The following CCDC148 variants were observed in gnomAD, a reference collection of about 807,000 sequenced individuals.
CCDC148 encodes the protein coiled-coil domain containing 148.
Under a neutral mutation model 85.7 loss-of-function variants are expected in CCDC148, and 89 were observed. The ratio of observed to expected loss-of-function variants is 1.04; its 90% CI spans 0.87 to 1.24. The LOEUF is 1.24. Ranked by LOEUF, CCDC148 falls within the 50% of genes most tolerant of loss-of-function variation. The probability of loss-of-function intolerance (pLI) is 0.00; values close to 1 mark genes in which losing one functional copy is unlikely to be tolerated. For synonymous variants in CCDC148, 230 were observed against 213.9 expected (o/e 1.08, Z -0.66); for missense variants, 692 against 671.7 (o/e 1.03, Z -0.33).
intron 10 of CCDC148, among the ~76,000 whole-genome samples, chr2:158,243,072 C>T (rs894954156): frequency 7.2e-5 from 11 of 152,108 alleles, no homozygotes; most frequent in African/African-American, 1.7e-4. Flanking sequence ...TGTCTTCAGG[C>T]GGCACTTTCC....
chr2:158,352,179 C>T (rs1683345078), intron 2 of CCDC148, among the ~76,000 whole-genome samples: 1 of 150,350 alleles, frequency 6.7e-6, no homozygotes, highest in Non-Finnish European at 1.5e-5. Context: ...CTCTCCTCCT[C>T]CAAAGGAACG....
chr2:158,183,945 A>G (rs1685030903), intron 11 of CCDC148, among the ~76,000 whole-genome samples: 1 of 152,166 alleles, frequency 6.6e-6, no homozygotes, highest in Non-Finnish European at 1.5e-5. Flanking sequence ...CCAACAGGGA[A>G]GAATGTGCAG....
intron 1 of CCDC148, among the ~76,000 whole-genome samples, chr2:158,441,014 C>T (rs1229575931): frequency 1.3e-5 from 2 of 152,062 alleles, no homozygotes; most frequent in Non-Finnish European, 2.9e-5. Context: ...TGTAAATAGC[C>T]ACTGCACTCC....
intron 10 of CCDC148, among the ~76,000 whole-genome samples, chr2:158,248,174 A>G (rs1364689581): frequency 6.6e-6 from 1 of 152,156 alleles, no homozygotes; most frequent in East Asian, 1.9e-4. Context: ...ATGTCAAAAT[A>G]TCTTAAAATC....
At chr2:158,274,543 C>T (rs1436953079) in intron 9 of CCDC148, among the ~76,000 whole-genome samples, 1 of 152,106 alleles carries the variant, frequency 6.6e-6, no homozygotes, top group Non-Finnish European at 1.5e-5. Context: ...ATTTTTATTT[C>T]TCTTTTACAT....
intron 1 of CCDC148, among the ~76,000 whole-genome samples, chr2:158,369,786 A>G (rs1479173297): frequency 6.6e-6 from 1 of 152,152 alleles, no homozygotes; most frequent in Non-Finnish European, 1.5e-5. Flanking sequence ...TTGCCCATTC[A>G]GTATGATATT....
At chr2:158,340,826 C>T (rs1220055813) in intron 3 of CCDC148, 146 bp from the exon 4 acceptor site, 1 of 600,736 alleles carries the variant, frequency 1.7e-6, no homozygotes, top group African/African-American at 1.9e-5. Context: ...TGGCTTGAGT[C>T]TTTACTAGAC....
rs148646554 is a variant in CCDC148, at chr2:158,326,009, G to A, written c.765-12115C>T. Among the ~76,000 whole-genome samples the A allele has an allele frequency of 5.1e-3, 780 of 152,160 alleles. 2 individuals are homozygous for A. Among genetic ancestry groups the A allele is most frequent in the Middle Eastern group, 0.027 (8 of 294 alleles). ...AACATAAGTCTGATTTTGTCACTCT[G>A]CTCACTTCTGCTCAACACCTTCCAA... On this transcript the variant is annotated intron_variant, in intron 7 of 13. Transcript: ENST00000283233.
intron 9 of CCDC148, among the ~76,000 whole-genome samples, chr2:158,274,374 TGA>T (rs3080008): frequency 0.41 from 61,746 of 151,840 alleles, 13,164 homozygotes; most frequent in South Asian, 0.61. Context: ...TTCATGGGTT[TGA>T]GTCATGAATA....
intron 11 of CCDC148, among the ~76,000 whole-genome samples, chr2:158,212,953 C>G (rs1251168360): frequency 6.6e-6 from 1 of 152,176 alleles, no homozygotes; most frequent in African/African-American, 2.4e-5. Flanking sequence ...TGGGCCCATA[C>G]TTGAGAAAGT....
chr2:158,421,817 A>T (rs926832624), intron 1 of CCDC148, among the ~76,000 whole-genome samples: 10 of 152,200 alleles, frequency 6.6e-5, no homozygotes, highest in Non-Finnish European at 1.2e-4. Flanking sequence ...TGTTGAAAAG[A>T]TCAACAAAAT....
At chr2:158,296,745 TTAAAAAC>T (rs1422378128) in intron 9 of CCDC148, among the ~76,000 whole-genome samples, 1 of 152,192 alleles carries the variant, frequency 6.6e-6, no homozygotes, top group Non-Finnish European at 1.5e-5. Context: ...CAGATACACT[TTAAAAAC>T]TAAGACATTT....
At chr2:158,383,766 T>C (rs570505145) in intron 1 of CCDC148, among the ~76,000 whole-genome samples, 8 of 152,244 alleles carry the variant, frequency 5.3e-5, no homozygotes, top group South Asian at 2.1e-4. Flanking sequence ...TTCTACTACA[T>C]AACCACAAGA....
At chr2:158,397,205 G>C (rs1383976036) in intron 1 of CCDC148, among the ~76,000 whole-genome samples, 5 of 151,934 alleles carry the variant, frequency 3.3e-5, no homozygotes, top group African/African-American at 1.2e-4. Flanking sequence ...CTATGGCATG[G>C]GGAGGATAAG....
chr2:158,247,101 C>T (rs1688598910), intron 10 of CCDC148, among the ~76,000 whole-genome samples: 1 of 152,122 alleles, frequency 6.6e-6, no homozygotes, highest in African/African-American at 2.4e-5. Context: ...GGTGAAAATA[C>T]ATGCAACCCA....
At position 158,178,986 on chromosome 2, in the gene CCDC148, T is replaced by A. The variant is rs1321061203; in HGVS notation, c.1381A>T (p.Arg461Ter). The change falls in exon 12 of 14, where the codon AGA (arginine) becomes TGA (stop). Residue 461 changes from arginine to a stop codon, truncating the protein, a stop_gained. Coordinates refer to ENST00000283233, the MANE Select transcript of CCDC148 (RefSeq NM_138803.4). LOFTEE classifies it high-confidence loss of function. The part of the protein sequence containing the change: ...SLKDRERVKY[R>*]QELLERRLME... ...AAACGCCTTTCCAATAATTCTTGTC[T>A]ATATTTAACCCTTTAAAAATAACAC... 1 of 1,610,782 alleles carries A rather than the reference T, an allele frequency of 6.2e-7. No homozygotes were observed. The highest frequency in any genetic ancestry group is 8.5e-7 in the Non-Finnish European group (1 of 1,177,676).
At chr2:158,301,555 G>C (rs1386525602) in intron 9 of CCDC148, among the ~76,000 whole-genome samples, 3 of 152,200 alleles carry the variant, frequency 2.0e-5, no homozygotes, top group Non-Finnish European at 4.4e-5. Flanking sequence ...GGAATCACGA[G>C]GAGGCTTAGT....
chr2:158,384,506 G>A lies in CCDC148; in HGVS notation c.26-25936C>T, dbSNP rs985818607. ...GTTTAAAACTGTGTAGCACCTCCCC[G>A]TTCATTCTTTCTTCCTCCTTCTCCA... On this transcript the variant is annotated intron_variant, in intron 1 of 13. Coordinates refer to ENST00000283233, the MANE Select transcript of CCDC148 (RefSeq NM_138803.4). Among the ~76,000 whole-genome samples the A allele has an allele frequency of 6.6e-5, 10 of 152,148 alleles. 1 individual carries two copies. The highest frequency in any genetic ancestry group is 2.0e-4 in the Admixed American group (3 of 15,264).
intron 1 of CCDC148, among the ~76,000 whole-genome samples, chr2:158,388,287 A>G (rs991481676): frequency 6.6e-6 from 1 of 152,258 alleles, no homozygotes; most frequent in South Asian, 2.1e-4. Flanking sequence ...TAATGAAATC[A>G]GTTACTTTTT....
Sources: gnomAD v4.1 joint callset for allele counts (sites outside exome capture counted in the v4.1 genomes callset) on GRCh38, gnomAD v4.1.1 for gene constraint, MANE v1.5 for transcripts, NCBI Gene and HGNC (gene_info 2026-07-23, HGNC 2026-07-21) for gene names.